GUCY1A2: variants seen among roughly 807,000 people sequenced by gnomAD.
The protein encoded by GUCY1A2 is guanylate cyclase 1 soluble subunit alpha 2.
In GUCY1A2, 27 loss-of-function variants were observed where a neutral mutation model predicts 63.5. That is an observed-to-expected ratio of 0.43 (90% CI 0.31 to 0.59). The LOEUF (loss-of-function observed/expected upper bound fraction) is 0.59. GUCY1A2 is among the 20% of genes least tolerant of loss of function. The pLI is 0.11. For synonymous variants in GUCY1A2, 364 were observed against 343.5 expected (o/e 1.06, Z -0.66); for missense variants, 768 against 913.3 (o/e 0.84, Z 2.05).
At chr11:107,004,950 T>C (rs118132216) in intron 1 of GUCY1A2, among the ~76,000 whole-genome samples, 2,062 of 152,280 alleles carry the variant, frequency 0.014, 29 homozygotes, top group South Asian at 0.045. Flanking sequence ...GTTAGAGACA[T>C]AGGTTCTTGA....
chr11:106,791,403 T>C (rs570516181), intron 5 of GUCY1A2, among the ~76,000 whole-genome samples: 1 of 152,254 alleles, frequency 6.6e-6, no homozygotes, highest in Non-Finnish European at 1.5e-5. Flanking sequence ...CAGTCTTCAG[T>C]GCCTCTTTCA....
intron 6 of GUCY1A2, among the ~76,000 whole-genome samples, chr11:106,717,896 C>T (rs1863242764): frequency 1.3e-5 from 2 of 152,040 alleles, no homozygotes; most frequent in African/African-American, 4.8e-5. Flanking sequence ...ACAAGAAAGT[C>T]CATTATTTTA....
At chr11:106,729,884 T>A (rs1233849606) in intron 6 of GUCY1A2, among the ~76,000 whole-genome samples, 1 of 151,576 alleles carries the variant, frequency 6.6e-6, no homozygotes, top group African/African-American at 2.4e-5. Context: ...TTGATTGTAA[T>A]CTTCTTGTGT....
intron 1 of GUCY1A2, among the ~76,000 whole-genome samples, chr11:107,002,650 T>A (rs750637601): frequency 6.6e-6 from 1 of 152,146 alleles, no homozygotes; most frequent in South Asian, 2.1e-4. Context: ...AATGAAATAA[T>A]GTACTCTCCA....
At chr11:106,754,678 A>G (rs1328504894) in intron 6 of GUCY1A2, among the ~76,000 whole-genome samples, 3 of 152,170 alleles carry the variant, frequency 2.0e-5, no homozygotes, top group Admixed American at 1.3e-4. Flanking sequence ...CATATGTTGA[A>G]CCAGCCTTGC....
intron 3 of GUCY1A2, among the ~76,000 whole-genome samples, chr11:106,954,723 T>C (rs1229214783): frequency 6.6e-6 from 1 of 152,204 alleles, no homozygotes; most frequent in East Asian, 1.9e-4. Context: ...AATAGTTAGC[T>C]CTTCTTGTTG....
rs146466295 is a variant in GUCY1A2, at chr11:106,934,820, T to C, written c.1206+4640A>G. ...GTTCCTTCCAAGGTGCTATTAAAGT[T>C]CTCTCAAGTGATGCTACTAAAAAAA... is the stretch of plus-strand genomic sequence containing the variant. On this transcript the variant is annotated intron_variant, in intron 4 of 7. Coordinates refer to ENST00000526355, the MANE Select transcript of GUCY1A2 (RefSeq NM_000855.3). 3.4e-4 allele frequency among the ~76,000 whole-genome samples: 52 copies of C among 152,278 alleles called. No homozygotes were observed. In the East Asian group the frequency reaches 5.2e-3, roughly 15 times the overall value.
intron 4 of GUCY1A2, among the ~76,000 whole-genome samples, chr11:106,835,768 G>C (rs1349188258): frequency 6.6e-6 from 1 of 151,716 alleles, no homozygotes; most frequent in Non-Finnish European, 1.5e-5. Flanking sequence ...TCCTAGTGTG[G>C]TACACTCAGA....
rs191932316 is a variant in GUCY1A2 at position 106,968,848 on chromosome 11, T to C, written c.487+9771A>G. 0.015 allele frequency among the ~76,000 whole-genome samples: 116 copies of C among 7,970 alleles called. 4 individuals carry two copies. In the East Asian group the frequency reaches 0.36, roughly 25 times the overall value. 5.2% of individuals were successfully genotyped at this position (7,970 alleles called of 152,430 possible). The stretch of plus-strand genomic sequence containing the variant: ...GTTAAGATCAGACTTTGTGGAAATA[T>C]AGGAAAAAACCACAACAGACCAGGA... On this transcript the variant is annotated intron_variant, in intron 3 of 7. Coordinates refer to ENST00000526355, the MANE Select transcript of GUCY1A2 (RefSeq NM_000855.3).
In GUCY1A2 at chr11:106,978,714, T is replaced by G. The variant is rs749115707; in HGVS notation, c.392A>C (p.His131Pro). 6.3e-7 allele frequency: 1 copy of G among 1,593,370 alleles called. No individual in the cohort carries two copies. ...IGYRDAEKNFHNISNRCSYAD... is the reference protein window; with the variant it reads ...IGYRDAEKNFPNISNRCSYAD... Reference sequence around the variant, plus strand: ...ATAGGAGCATCTGTTAGAGATATTGTGGAAATTCTTTTCTGCATCCCTGTA... The same window carrying G: ...ATAGGAGCATCTGTTAGAGATATTGGGGAAATTCTTTTCTGCATCCCTGTA... The change falls in exon 3 of 8, where the codon CAC (histidine) becomes CCC (proline). Residue 131 changes from histidine (H) to proline (P), a missense_variant. Coordinates refer to ENST00000526355, the MANE Select transcript of GUCY1A2 (RefSeq NM_000855.3).
intron 4 of GUCY1A2, among the ~76,000 whole-genome samples, chr11:106,905,707 G>C (rs914301595): frequency 1.1e-4 from 16 of 152,068 alleles, no homozygotes; most frequent in Non-Finnish European, 1.3e-4. Context: ...GCACAAAGGA[G>C]GGCAGCTCAT....
chr11:106,889,318 G>A (rs1043871929), intron 4 of GUCY1A2, among the ~76,000 whole-genome samples: 5 of 152,104 alleles, frequency 3.3e-5, no homozygotes, highest in African/African-American at 1.2e-4. Flanking sequence ...AAAAGTTGTG[G>A]AGATAGAAGC....
At chr11:106,899,346 A>G (rs758503506) in intron 4 of GUCY1A2, among the ~76,000 whole-genome samples, 7 of 152,208 alleles carry the variant, frequency 4.6e-5, no homozygotes, top group Non-Finnish European at 1.0e-4. Flanking sequence ...AAATGAAATA[A>G]TAGAGTCTAA....
In GUCY1A2 at chr11:106,709,613, A is replaced by C. The variant is rs1314179183; in HGVS notation, c.1837-947T>G. Among the ~76,000 whole-genome samples the C allele has an allele frequency of 6.0e-5, 5 of 83,898 alleles. 1 individual carries two copies. Among genetic ancestry groups the C allele is most frequent in the African/African-American group, 1.2e-4 (3 of 25,840 alleles). The allele number at this position is 83,898 out of a possible 152,430, so 55.0% of individuals were successfully genotyped here. A position where few individuals can be genotyped will look rare whatever the true frequency, so the allele number is the denominator to read the frequency against. On this transcript the variant is annotated intron_variant, in intron 6 of 7. Transcript: ENST00000526355. ...TATATATAATATATAGTTATATATTATATACGTGTATATATTATATACACG... is the reference window on the plus strand; with the variant it reads ...TATATATAATATATAGTTATATATTCTATACGTGTATATATTATATACACG...
At chr11:106,775,218 G>T (rs1439605686) in intron 6 of GUCY1A2, among the ~76,000 whole-genome samples, 4 of 152,014 alleles carry the variant, frequency 2.6e-5, no homozygotes, top group Non-Finnish European at 5.9e-5. Context: ...TTGTGAACTG[G>T]TCAGGTCAAA....
chr11:106,923,140 A>T (rs1286858602), intron 4 of GUCY1A2, among the ~76,000 whole-genome samples: 2 of 152,202 alleles, frequency 1.3e-5, no homozygotes, highest in East Asian at 3.8e-4. Flanking sequence ...TATTGGAGAA[A>T]TATTGTTTAA....
chr11:106,998,497 C>A (rs1348057002), intron 1 of GUCY1A2, among the ~76,000 whole-genome samples: 2 of 152,116 alleles, frequency 1.3e-5, no homozygotes, highest in African/African-American at 4.8e-5. Flanking sequence ...ATATTCACAC[C>A]GGAATTTTAA....
intron 7 of GUCY1A2, among the ~76,000 whole-genome samples, chr11:106,694,233 G>A (rs1009276151): frequency 6.6e-6 from 1 of 152,154 alleles, no homozygotes; most frequent in African/African-American, 2.4e-5. Context: ...TGTTATGAAT[G>A]TAGACTTTTA....
chr11:106,797,320 C>T (rs146306777), intron 5 of GUCY1A2, among the ~76,000 whole-genome samples: 7,481 of 152,130 alleles, frequency 0.049, 334 homozygotes, highest in African/African-American at 0.12. Flanking sequence ...TGGAGAGGAG[C>T]TGCGTTCCTT....
Sources: allele counts gnomAD v4.1 joint callset (sites outside exome capture counted in the v4.1 genomes callset), GRCh38; gene constraint gnomAD v4.1.1; transcripts MANE v1.5; gene names NCBI Gene and HGNC (gene_info 2026-07-23, HGNC 2026-07-21).